Variants in NTM observed in about 807,000 individuals in gnomAD.
The protein encoded by NTM is IgLON family member 2.
In NTM, 13 loss-of-function variants were observed where a neutral mutation model predicts 42.1. That is an observed-to-expected ratio of 0.31 (90% CI 0.20 to 0.49). NTM has a LOEUF of 0.49. NTM is among the 20% of genes least tolerant of loss of function. The probability of loss-of-function intolerance (pLI) is 0.99; values close to 1 mark genes in which losing one functional copy is unlikely to be tolerated. For missense variants in NTM, 373 were observed against 452.8 expected (o/e 0.82, Z 1.60); for synonymous variants, 187 against 179.2 (o/e 1.04, Z -0.35).
chr11:132,191,894 G>C (rs1566430596), intron 3 of NTM, among the ~76,000 whole-genome samples: 2 of 152,110 alleles, frequency 1.3e-5, no homozygotes, highest in Non-Finnish European at 2.9e-5. Context: ...ATTAACAACA[G>C]AATAGATCAA....
At chr11:131,881,501 C>CACACACAT (rs1188377769) in intron 1 of NTM, among the ~76,000 whole-genome samples, 1 of 151,386 alleles carries the variant, frequency 6.6e-6, no homozygotes, top group Non-Finnish European at 1.5e-5. Context: ...CACACACACA[C>CACACACAT]ACACACACCC....
At chr11:131,697,600 A>T (rs1201255298) in intron 1 of NTM, among the ~76,000 whole-genome samples, 1 of 151,678 alleles carries the variant, frequency 6.6e-6, no homozygotes, top group East Asian at 1.9e-4. Flanking sequence ...CAGTAATTTT[A>T]TTTTTTCTGA....
At chr11:132,179,533 C>A (rs1374620884) in intron 3 of NTM, among the ~76,000 whole-genome samples, 2 of 152,086 alleles carry the variant, frequency 1.3e-5, no homozygotes, top group African/African-American at 2.4e-5. Context: ...TTGCCTTACA[C>A]CTCCAGTTAA....
rs189759361 is a variant in NTM at position 131,789,440 on chromosome 11, A to G, written c.83-122124A>G. 3.8e-3 allele frequency among the ~76,000 whole-genome samples: 36 copies of G among 9,556 alleles called. 1 individual carries two copies. The highest frequency in any genetic ancestry group is 0.013 in the African/African-American group (32 of 2,410). 6.3% of individuals were successfully genotyped at this position (9,556 alleles called of 152,430 possible). A position where few individuals can be genotyped will look rare whatever the true frequency, so the allele number is the denominator to read the frequency against. On this transcript the variant is annotated intron_variant, in intron 1 of 8. Coordinates refer to ENST00000683400, the MANE Select transcript of NTM (RefSeq NM_001352005.2). ...GAAAAAAAGAAGAAGGAAGAAGAAG[A>G]AGAAGAAGAAGAAGAAGAAGAAGAA...
At chr11:132,222,003 C>A (rs145943942) in intron 4 of NTM, among the ~76,000 whole-genome samples, 1 of 152,264 alleles carries the variant, frequency 6.6e-6, no homozygotes, top group East Asian at 1.9e-4. Flanking sequence ...TTGGGGCACC[C>A]GGTCTTTGGG....
intron 1 of NTM, among the ~76,000 whole-genome samples, chr11:131,898,929 T>C (rs1248439862): frequency 1.3e-5 from 2 of 152,164 alleles, no homozygotes; most frequent in East Asian, 1.9e-4. Flanking sequence ...CTTGGGATGA[T>C]TGCTGTCACC....
At chr11:131,866,701 A>G (rs1237899999) in intron 1 of NTM, among the ~76,000 whole-genome samples, 1 of 152,182 alleles carries the variant, frequency 6.6e-6, no homozygotes, top group Non-Finnish European at 1.5e-5. Flanking sequence ...CACCTCCCTT[A>G]CATTTTAAAC....
intron 4 of NTM, among the ~76,000 whole-genome samples, chr11:132,219,991 A>C (rs2084806171): frequency 6.6e-6 from 1 of 152,216 alleles, no homozygotes; most frequent in Non-Finnish European, 1.5e-5. Context: ...TCTAATTAAC[A>C]TAGGTGCTTG....
chr11:131,601,629 G>C (rs1045096982), intron 1 of NTM, among the ~76,000 whole-genome samples: 1 of 151,032 alleles, frequency 6.6e-6, no homozygotes, highest in African/African-American at 2.4e-5. Context: ...CTGTAGTTCT[G>C]ATTCCACAGG....
intron 2 of NTM, among the ~76,000 whole-genome samples, chr11:132,083,551 A>G (rs912014929): frequency 2.0e-5 from 3 of 152,212 alleles, no homozygotes; most frequent in Non-Finnish European, 4.4e-5. Flanking sequence ...TCACAAGAAT[A>G]TGGAGTTCCT....
intron 1 of NTM, among the ~76,000 whole-genome samples, chr11:131,712,073 G>A (rs1016972204): frequency 3.4e-5 from 5 of 148,898 alleles, no homozygotes; most frequent in African/African-American, 1.2e-4. Context: ...CATGGCACAT[G>A]TATACATATG....
At chr11:131,411,934 C>T (rs146162361) in intron 1 of NTM, among the ~76,000 whole-genome samples, 1 of 152,248 alleles carries the variant, frequency 6.6e-6, no homozygotes, top group Non-Finnish European at 1.5e-5. Flanking sequence ...TGTTGCAAAA[C>T]CCCTTGCATG....
chr11:131,421,951 T>G (rs1280767640), intron 1 of NTM, among the ~76,000 whole-genome samples: 2 of 152,224 alleles, frequency 1.3e-5, no homozygotes, highest in Non-Finnish European at 2.9e-5. Context: ...TCTGGAGATA[T>G]TAACTGTTCT....
chr11:132,031,930 A>G (rs1451647858), intron 2 of NTM, among the ~76,000 whole-genome samples: 1 of 151,610 alleles, frequency 6.6e-6, no homozygotes, highest in Non-Finnish European at 1.5e-5. Context: ...CCACTCATTA[A>G]TCTTTCTCCT....
intron 1 of NTM, among the ~76,000 whole-genome samples, chr11:131,583,423 G>A (rs1192797143): frequency 6.6e-6 from 1 of 152,148 alleles, no homozygotes; most frequent in Non-Finnish European, 1.5e-5. Flanking sequence ...AAGAGAAAAT[G>A]TCTGTGTTAA....
rs1046928981 is a variant in NTM at position 132,002,087 on chromosome 11, G to T, written c.167+90439G>T. Among the ~76,000 whole-genome samples the T allele has an allele frequency of 1.3e-5, 2 of 152,198 alleles. No homozygotes were observed. Among genetic ancestry groups the T allele is most frequent in the Non-Finnish European group, 2.9e-5 (2 of 68,038 alleles). The stretch of plus-strand genomic sequence containing the variant: ...TGAATTAGGCTCACAGGGGTGGAGA[G>T]TTGATGCTGTCCATGGCAACCGGGG... On this transcript the variant is annotated intron_variant, in intron 2 of 8. Coordinates refer to ENST00000683400, the MANE Select transcript of NTM (RefSeq NM_001352005.2). This position sits in a 1 kb window ranked among gnomAD's most constrained non-coding sequence, Gnocchi z 4.5.
intron 1 of NTM, among the ~76,000 whole-genome samples, chr11:131,831,281 G>C (rs908365780): frequency 6.6e-6 from 1 of 152,052 alleles, no homozygotes; most frequent in Non-Finnish European, 1.5e-5. Flanking sequence ...ATTTAGTAAA[G>C]AACTAAATTT....
chr11:131,796,675 A>G (rs1272817712), intron 1 of NTM, among the ~76,000 whole-genome samples: 6 of 152,218 alleles, frequency 3.9e-5, no homozygotes, highest in Non-Finnish European at 7.3e-5. Context: ...GCTGAGAGAC[A>G]CAGGAGCTTA....
At chr11:131,828,588 C>T (rs938514082) in intron 1 of NTM, among the ~76,000 whole-genome samples, 10 of 152,092 alleles carry the variant, frequency 6.6e-5, no homozygotes, top group African/African-American at 9.7e-5. Flanking sequence ...ACAGTCATCA[C>T]GAACATCATC....
Sources: gnomAD v4.1 joint callset for allele counts (sites outside exome capture counted in the v4.1 genomes callset) on GRCh38, gnomAD v4.1.1 for gene constraint, Gnocchi (gnomAD v3.1) non-coding constraint, MANE v1.5 for transcripts, NCBI Gene and HGNC (gene_info 2026-07-23, HGNC 2026-07-21) for gene names.